Variants in ANKRD27 observed in about 807,000 individuals in gnomAD.
The protein encoded by ANKRD27 is ankyrin repeat domain-containing protein 27.
ANKRD27 carries 112 observed loss-of-function variants against 129.7 expected under a neutral mutation model. The ratio of observed to expected loss-of-function variants is 0.86; its 90% CI spans 0.74 to 1.01. The LOEUF (loss-of-function observed/expected upper bound fraction) is 1.01. ANKRD27 is among the 50% of genes least tolerant of loss of function. The pLI, the probability that ANKRD27 is intolerant of heterozygous loss-of-function variation, is 0.00. For synonymous variants in ANKRD27, 516 were observed against 511.2 expected (o/e 1.01, Z -0.13); for missense variants, 1,258 against 1,300.5 (o/e 0.97, Z 0.50).
At chr19:32,658,010 A>C (rs937100571) in intron 2 of ANKRD27, among the ~76,000 whole-genome samples, 2 of 152,070 alleles carry the variant, frequency 1.3e-5, no homozygotes, top group Non-Finnish European at 2.9e-5. Context: ...AAATAAATGA[A>C]AGTCAATTCC....
At chr19:32,652,831 G>C (rs996384403) in intron 2 of ANKRD27, among the ~76,000 whole-genome samples, 5 of 151,928 alleles carry the variant, frequency 3.3e-5, no homozygotes, top group African/African-American at 1.2e-4. Context: ...AGGAGACTAA[G>C]ACAGGAGGAT....
In ANKRD27 at chr19:32,659,030, G is replaced by C. The variant is rs750624139; in HGVS notation, c.-15C>G. Reference sequence around the variant, plus strand: ...TACAGAGCCATATGGACTTCAGATGGGTCAGAGCAAATCTCCTGCAATAAG... The same window carrying C: ...TACAGAGCCATATGGACTTCAGATGCGTCAGAGCAAATCTCCTGCAATAAG... On this transcript the variant is annotated 5_prime_UTR_variant, in exon 2 of 29. Transcript: ENST00000306065. 6.3e-6 allele frequency: 10 copies of C among 1,586,446 alleles called. No homozygotes were observed. The highest frequency in any genetic ancestry group is 8.7e-6 in the Non-Finnish European group (10 of 1,154,978).
At chr19:32,609,841 T>C (rs1252831485) in intron 22 of ANKRD27, among the ~76,000 whole-genome samples, 1 of 150,898 alleles carries the variant, frequency 6.6e-6, no homozygotes, top group Non-Finnish European at 1.5e-5. Flanking sequence ...TTATAATGTA[T>C]ATAATTATAT....
At chr19:32,643,674 A>T in intron 5 of ANKRD27, 43 bp from the exon 6 acceptor site, 1 of 1,607,370 alleles carries the variant, frequency 6.2e-7, no homozygotes, top group Non-Finnish European at 8.5e-7. Context: ...CTTACCAGCA[A>T]GGCCATGACG....
intron 1 of ANKRD27, chr19:32,673,283 T>C: frequency 1.0e-6 from 1 of 985,524 alleles, no homozygotes; most frequent in Non-Finnish European, 1.2e-6. Flanking sequence ...CCTGTCCCTA[T>C]GGCTGGTCAG....
At chr19:32,623,099 C>T (rs1972038875) in intron 17 of ANKRD27, among the ~76,000 whole-genome samples, 1 of 152,070 alleles carries the variant, frequency 6.6e-6, no homozygotes, top group Non-Finnish European at 1.5e-5. Flanking sequence ...GCCAGGACAC[C>T]TCATGCTTTC....
At chr19:32,614,129 T>C (rs1034975692) in intron 22 of ANKRD27, among the ~76,000 whole-genome samples, 4 of 151,890 alleles carry the variant, frequency 2.6e-5, no homozygotes, top group African/African-American at 4.8e-5. Flanking sequence ...GTTTGAATGA[T>C]TGGTCTTGTG....
intron 2 of ANKRD27, among the ~76,000 whole-genome samples, chr19:32,658,266 G>A (rs1278710533): frequency 6.6e-6 from 1 of 152,174 alleles, no homozygotes; most frequent in East Asian, 1.9e-4. Context: ...TAAGTAGGAT[G>A]CCCGCCAAGT....
chr19:32,627,478 A>T (rs1264705654), intron 15 of ANKRD27, among the ~76,000 whole-genome samples: 2 of 151,008 alleles, frequency 1.3e-5, no homozygotes, highest in East Asian at 3.9e-4. Flanking sequence ...AGCTCACTAC[A>T]ACCTCCACCT....
At chr19:32,632,762 C>T (rs1405247642) in intron 12 of ANKRD27, among the ~76,000 whole-genome samples, 2 of 152,078 alleles carry the variant, frequency 1.3e-5, no homozygotes, top group African/African-American at 2.4e-5. Flanking sequence ...CTCCAGCCAG[C>T]GGCTGCCAGA....
At chr19:32,612,609 A>G (rs188523062) in intron 22 of ANKRD27, among the ~76,000 whole-genome samples, 139 of 152,332 alleles carry the variant, frequency 9.1e-4, no homozygotes, top group African/African-American at 2.8e-3. Context: ...GGATGGGCCC[A>G]TAGATCAATG....
chr19:32,617,747 G>T, intron 20 of ANKRD27, 114 bp from the exon 21 acceptor site: 21 of 416,714 alleles, frequency 5.0e-5, no homozygotes, highest in East Asian at 9.9e-5. Flanking sequence ...TTTAACGTCT[G>T]ATTTAGTTTT....
At chr19:32,673,561 T>C (rs576071053) in intron 1 of ANKRD27, 3 of 501,964 alleles carry the variant, frequency 6.0e-6, no homozygotes, top group Non-Finnish European at 7.7e-6. Context: ...CTCTGCTGTC[T>C]CCAAAGCTTC....
chr19:32,620,558 G>C (rs1971993540), intron 18 of ANKRD27, among the ~76,000 whole-genome samples: 1 of 118,686 alleles, frequency 8.4e-6, no homozygotes, highest in Non-Finnish European at 1.8e-5. Context: ...GACAGAGCGA[G>C]ACTCCGTCTC....
intron 4 of ANKRD27, among the ~76,000 whole-genome samples, chr19:32,645,792 G>A (rs934390638): frequency 1.0e-4 from 15 of 150,452 alleles, no homozygotes; most frequent in Admixed American, 6.6e-5. Flanking sequence ...ACCACTGCAC[G>A]TGGCTAATTT....
intron 23 of ANKRD27, among the ~76,000 whole-genome samples, chr19:32,607,421 G>A (rs1266720643): frequency 6.6e-6 from 1 of 152,136 alleles, no homozygotes; most frequent in Non-Finnish European, 1.5e-5. Context: ...AGATGGGAGT[G>A]GCAGTGGGGC....
At chr19:32,598,915 G>C (rs1971609859) in intron 28 of ANKRD27, among the ~76,000 whole-genome samples, 2 of 152,156 alleles carry the variant, frequency 1.3e-5, no homozygotes, top group African/African-American at 4.8e-5. Flanking sequence ...CAGCAACAAG[G>C]AAAGCTGTGG....
chr19:32,640,104 G>C (rs576429254), intron 11 of ANKRD27, among the ~76,000 whole-genome samples: 3 of 152,276 alleles, frequency 2.0e-5, no homozygotes, highest in South Asian at 4.1e-4. Flanking sequence ...TGGGACTACA[G>C]GTGCCCACCA....
At chr19:32,637,604 CAGG>C (rs1433989241) in intron 12 of ANKRD27, 1 of 152,324 alleles carries the variant, frequency 6.6e-6, no homozygotes, top group Non-Finnish European at 1.5e-5. Flanking sequence ...GCAGGGCCAA[CAGG>C]AGCCAGGAAC....
Sources: allele counts gnomAD v4.1 joint callset (sites outside exome capture counted in the v4.1 genomes callset), GRCh38; gene constraint gnomAD v4.1.1; transcripts MANE v1.5; gene names NCBI Gene and HGNC (gene_info 2026-07-23, HGNC 2026-07-21).